The following EBF1 variants were observed in gnomAD, a reference collection of about 807,000 sequenced individuals.
EBF1 encodes EBF transcription factor 1, also known as transcription factor COE1.
In EBF1, 10 loss-of-function variants were observed where a neutral mutation model predicts 68.4. The ratio of observed to expected loss-of-function variants is 0.15; its 90% CI spans 0.09 to 0.25. The LOEUF is 0.25. EBF1 is among the 10% of genes least tolerant of loss of function. The probability of loss-of-function intolerance (pLI) is 1.00; values close to 1 mark genes in which losing one functional copy is unlikely to be tolerated. For missense variants in EBF1, 509 were observed against 794.4 expected, an observed-to-expected ratio of 0.64 and a Z score of 4.32; for synonymous variants, 298 against 299.8, an observed-to-expected ratio of 0.99 and a Z score of 0.06.
chr5:158,965,981 AG>A (rs928900421), intron 6 of EBF1, among the ~76,000 whole-genome samples: 1 of 152,210 alleles, frequency 6.6e-6, no homozygotes, highest in Non-Finnish European at 1.5e-5. Context: ...AGAGCAAAAA[AG>A]GTAGACAAAA....
intron 6 of EBF1, among the ~76,000 whole-genome samples, chr5:159,051,835 A>T (rs1773811926): frequency 6.6e-6 from 1 of 152,036 alleles, no homozygotes; most frequent in South Asian, 2.1e-4. Context: ...ACTTTTTCTT[A>T]ATAGAGTGGG....
intron 6 of EBF1, among the ~76,000 whole-genome samples, chr5:159,016,744 G>C (rs542511971): frequency 1.3e-5 from 2 of 152,296 alleles, no homozygotes; most frequent in African/African-American, 4.8e-5. Flanking sequence ...AGCTCAAAGC[G>C]TGAGATCCAT....
Position 159,099,325 on chromosome 5 carries a change from G to A in EBF1, c.134+20C>T, listed in dbSNP as rs773377786. The A allele has an allele frequency of 2.0e-6, 3 of 1,516,094 alleles. No homozygotes were observed. Among genetic ancestry groups the A allele is most frequent in the African/African-American group, 1.4e-5 (1 of 69,874 alleles). 93.9% of individuals were successfully genotyped at this position (1,516,094 alleles called of 1,614,324 possible). A position where few individuals can be genotyped will look rare whatever the true frequency, so the allele number is the denominator to read the frequency against. ...CCCGCTCGCGGCTCACCTCGGCCGC[G>A]GTCCCCGCGCAGTACCCACCTCTGC... On this transcript the variant is annotated intron_variant, in intron 1 of 15. Coordinates refer to ENST00000313708, the MANE Select transcript of EBF1 (RefSeq NM_024007.5).
chr5:158,970,452 C>T (rs1561666098), intron 6 of EBF1, among the ~76,000 whole-genome samples: 1 of 152,058 alleles, frequency 6.6e-6, no homozygotes, highest in Admixed American at 6.5e-5. Context: ...AATAAAATAA[C>T]CCAGTTTGTT....
intron 6 of EBF1, among the ~76,000 whole-genome samples, chr5:158,977,006 T>A (rs1437550540): frequency 6.6e-6 from 1 of 152,158 alleles, no homozygotes; most frequent in African/African-American, 2.4e-5. Flanking sequence ...CAGAAGGAAA[T>A]CTCAGAATCT....
intron 10 of EBF1, among the ~76,000 whole-genome samples, chr5:158,776,472 T>A (rs1016608769): frequency 5.9e-5 from 9 of 152,176 alleles, no homozygotes; most frequent in African/African-American, 1.4e-4. Flanking sequence ...TTAACTGTTA[T>A]CCCTTCACTG....
At chr5:158,891,214 C>G (rs1479172790) in intron 6 of EBF1, among the ~76,000 whole-genome samples, 2 of 152,176 alleles carry the variant, frequency 1.3e-5, no homozygotes, top group African/African-American at 4.8e-5. Context: ...ATGTCTCTCT[C>G]TTGCCACTGC....
chr5:158,712,303 G>A lies in EBF1; in HGVS notation c.1400C>T (p.Pro467Leu), dbSNP rs2127488744. 1 of 1,614,042 alleles carries A rather than the reference G, an allele frequency of 6.2e-7. No individual in the cohort carries two copies. The highest frequency in any genetic ancestry group is 8.5e-7 in the Non-Finnish European group (1 of 1,179,984). Reference protein sequence around the residue: ...GFTRNSSSVSPHGYVPSTTPQ... With the variant: ...GFTRNSSSVSLHGYVPSTTPQ... ...AGTGGTGCTCGGCACGTACCCGTGT[G>A]GTGATACGCTGCTTGAGTTGCGGGT... Residue 467 changes from proline to leucine, a missense_variant, in exon 14 of 16, where the codon CCA becomes CTA. By Grantham distance (98) the Pro-to-Leu change is moderately conservative. Coordinates refer to ENST00000313708, the MANE Select transcript of EBF1 (RefSeq NM_024007.5).
intron 6 of EBF1, among the ~76,000 whole-genome samples, chr5:158,869,046 C>T (rs1796413443): frequency 6.6e-6 from 1 of 152,038 alleles, no homozygotes; most frequent in African/African-American, 2.4e-5. Flanking sequence ...TTTCTCCGTC[C>T]AGGACTGGTG....
chr5:159,096,792 G>A (rs909890405), intron 2 of EBF1, among the ~76,000 whole-genome samples, 182 bp downstream of exon 2: 3 of 152,202 alleles, frequency 2.0e-5, no homozygotes, highest in Admixed American at 6.5e-5. Flanking sequence ...GAACTTTTCT[G>A]GAGAAGGAGC....
chr5:158,847,048 AT>A (rs1396418493), intron 6 of EBF1, among the ~76,000 whole-genome samples: 1 of 152,164 alleles, frequency 6.6e-6, no homozygotes, highest in Non-Finnish European at 1.5e-5. Flanking sequence ...GGCTGCCCCT[AT>A]TCTTGGCCAC....
At position 158,713,000 on chromosome 5, in the gene EBF1, CATTCACGGCCAGTTGTCCACTGAACGA is replaced by C; in HGVS notation, c.1312_1338del (p.Ser438_Asn446del). ...TTGGTGGCTTGTGATGCCTCGGAGA[CATTCACGGCCAGTTGTCCACTGAACGA>C]ATTCACGCCCATCATCCCTGCGTGG... On this transcript the variant is annotated inframe_deletion, in exon 13 of 16. Coordinates refer to ENST00000313708, the MANE Select transcript of EBF1 (RefSeq NM_024007.5). The C allele has an allele frequency of 1.3e-6, 2 of 1,521,996 alleles. No individual in the cohort carries two copies. The highest frequency in any genetic ancestry group is 1.8e-6 in the Non-Finnish European group (2 of 1,126,518). The allele number at this position is 1,521,996 out of a possible 1,614,324, so 94.3% of individuals were successfully genotyped here.
chr5:159,030,938 C>T (rs141625875), intron 6 of EBF1, among the ~76,000 whole-genome samples: 1 of 152,116 alleles, frequency 6.6e-6, no homozygotes, highest in Non-Finnish European at 1.5e-5. Flanking sequence ...TTTCGGAGCT[C>T]GAGGCAGGCG....
chr5:158,706,053 G>A (rs1389502954), intron 15 of EBF1, among the ~76,000 whole-genome samples: 3 of 152,212 alleles, frequency 2.0e-5, no homozygotes, highest in African/African-American at 7.2e-5. Flanking sequence ...TTTGCCAGCT[G>A]GAGGTGTACT....
At chr5:158,840,407 G>C (rs1789961393) in intron 6 of EBF1, among the ~76,000 whole-genome samples, 1 of 152,078 alleles carries the variant, frequency 6.6e-6, no homozygotes, top group Admixed American at 6.5e-5. Context: ...ATTTAAGTTA[G>C]GTTCCAATTG....
chr5:158,731,218 C>A, intron 10 of EBF1, 61 bp from the exon 11 acceptor site: 1 of 1,485,928 alleles, frequency 6.7e-7, no homozygotes, highest in Non-Finnish European at 9.3e-7. Flanking sequence ...ACATGGCTTG[C>A]AACACTAATG....
intron 7 of EBF1, among the ~76,000 whole-genome samples, chr5:158,829,547 C>G (rs552049082): frequency 1.3e-5 from 2 of 150,914 alleles, no homozygotes; most frequent in African/African-American, 4.9e-5. Context: ...ATGTATCACA[C>G]TAATGCAAGA....
chr5:158,966,747 G>A (rs765149950), intron 6 of EBF1, among the ~76,000 whole-genome samples: 28 of 152,072 alleles, frequency 1.8e-4, no homozygotes, highest in Non-Finnish European at 3.5e-4. Context: ...TTGTCCCCCC[G>A]AAAGACAGCC....
At chr5:158,827,163 G>A (rs1786347214) in intron 7 of EBF1, among the ~76,000 whole-genome samples, 1 of 152,154 alleles carries the variant, frequency 6.6e-6, no homozygotes, top group African/African-American at 2.4e-5. Context: ...GTCAATTTGT[G>A]GGTGATGTTA....
Sources: allele counts gnomAD v4.1 joint callset (sites outside exome capture counted in the v4.1 genomes callset), GRCh38; gene constraint gnomAD v4.1.1; transcripts MANE v1.5; gene names NCBI Gene and HGNC (gene_info 2026-07-23, HGNC 2026-07-21).